ZFAT: variants seen among roughly 807,000 people sequenced by gnomAD.
The protein encoded by ZFAT is zinc finger protein ZFAT.
Under a neutral mutation model 117.7 loss-of-function variants are expected in ZFAT, and 64 were observed. That is an observed-to-expected ratio of 0.54 (90% CI 0.44 to 0.67). The LOEUF (loss-of-function observed/expected upper bound fraction) is 0.67. Ranked by LOEUF, ZFAT falls within the 30% of genes least tolerant of loss-of-function variation. The probability of loss-of-function intolerance (pLI) is 0.00; values close to 1 mark genes in which losing one functional copy is unlikely to be tolerated. For synonymous variants in ZFAT, 679 were observed against 615.0 expected (o/e 1.10, Z -1.54); for missense variants, 1,433 against 1,584.5 (o/e 0.90, Z 1.62).
At chr8:134,661,839 T>G (rs1008808787) in intron 1 of ZFAT, among the ~76,000 whole-genome samples, 2 of 152,088 alleles carry the variant, frequency 1.3e-5, no homozygotes, top group African/African-American at 2.4e-5. Flanking sequence ...GACATCAGGA[T>G]GCAGATGCCT....
chr8:134,577,488 A>G (rs1825392453), intron 10 of ZFAT, among the ~76,000 whole-genome samples: 1 of 152,262 alleles, frequency 6.6e-6, no homozygotes, highest in South Asian at 2.1e-4. Flanking sequence ...ATTCACAAGC[A>G]TTTGATTTAA....
intron 7 of ZFAT, among the ~76,000 whole-genome samples, chr8:134,593,266 T>C (rs1444134877): frequency 2.0e-5 from 3 of 151,988 alleles, no homozygotes; most frequent in Non-Finnish European, 4.4e-5. Context: ...CAGAAAGCAA[T>C]TTATCTCAGA....
At chr8:134,612,848 C>A (rs28579238) in intron 3 of ZFAT, among the ~76,000 whole-genome samples, 1 of 152,294 alleles carries the variant, frequency 6.6e-6, no homozygotes, top group African/African-American at 2.4e-5. Flanking sequence ...CCTATAAAGC[C>A]GGAGAATGAG....
the ZFAT span, among the ~76,000 whole-genome samples, chr8:134,745,993 G>A: frequency 6.6e-4 from 100 of 152,276 alleles, 1 homozygote; most frequent in East Asian, 0.017. Flanking sequence ...CTTTGCCTGT[G>A]CTCTTCCTGC....
intron 11 of ZFAT, among the ~76,000 whole-genome samples, chr8:134,564,012 C>T (rs1899432): frequency 0.74 from 111,720 of 151,846 alleles, 41,484 homozygotes; most frequent in East Asian, 0.91. Context: ...AGCGTGGCAG[C>T]GGGCTACCTG....
Position 134,637,467 on chromosome 8 carries a change from C to G in ZFAT, c.442G>C (p.Glu148Gln), listed in dbSNP as rs202134657. Reference sequence around the variant, plus strand: ...GCCCTTTGGCAGCATTTACCTGCTTCTCCTTCCTCCTCACCCAAATTCAGC... The same window carrying G: ...GCCCTTTGGCAGCATTTACCTGCTTGTCCTTCCTCCTCACCCAAATTCAGC... ...IVLNLGEEEG[E>Q]AGNESDLELE... The change falls in exon 3 of 16, where the codon GAA (glutamate) becomes CAA (glutamine). Residue 148 changes from glutamate to glutamine, a missense_variant. Physicochemically the swap from Glu to Gln is conservative, Grantham distance 29. Around this residue, in one of 5 missense-constraint regions of ZFAT, gnomAD observed 436 missense variants for 482.0 expected, o/e 0.90. Transcript: ENST00000377838. The G allele has an allele frequency of 6.4e-4, 1,027 of 1,606,150 alleles. 1 individual carries two copies. The highest frequency in any genetic ancestry group is 8.1e-4 in the Non-Finnish European group (951 of 1,173,290).
chr8:134,762,723 C>T, the ZFAT span, among the ~76,000 whole-genome samples: 37 of 152,104 alleles, frequency 2.4e-4, no homozygotes, highest in Non-Finnish European at 4.6e-4. Context: ...AGAAATATAT[C>T]CAATTGCTTA....
At chr8:134,520,559 A>C (rs1044277555) in intron 13 of ZFAT, among the ~76,000 whole-genome samples, 1 of 152,130 alleles carries the variant, frequency 6.6e-6, no homozygotes, top group African/African-American at 2.4e-5. Context: ...AATACAATAG[A>C]ATCCTTGCCT....
chr8:134,687,183 C>T (rs993426616), intron 1 of ZFAT, among the ~76,000 whole-genome samples: 7 of 152,132 alleles, frequency 4.6e-5, no homozygotes, highest in African/African-American at 1.7e-4. Flanking sequence ...AAATGCACAC[C>T]ACTAATTTGT....
chr8:134,688,901 C>T lies in ZFAT; in HGVS notation c.19+23944G>A, dbSNP rs982976672. Among the ~76,000 whole-genome samples the T allele has an allele frequency of 1.1e-4, 17 of 152,166 alleles. 1 individual carries two copies. The highest frequency in any genetic ancestry group is 4.1e-4 in the African/African-American group (17 of 41,436). On this transcript the variant is annotated intron_variant, in intron 1 of 15. Coordinates refer to ENST00000377838, the MANE Select transcript of ZFAT (RefSeq NM_020863.4). The stretch of plus-strand genomic sequence containing the variant: ...GAGACGTGTCCAGCCATGGTTTCCC[C>T]ACTCTGCTTCCTGGGGTTTTCAAAA...
intron 5 of ZFAT, among the ~76,000 whole-genome samples, chr8:134,606,551 C>T (rs1827900168): frequency 6.6e-6 from 1 of 151,866 alleles, no homozygotes; most frequent in Non-Finnish European, 1.5e-5. Flanking sequence ...CCCAACTCTA[C>T]TGAAAATCCA....
intron 15 of ZFAT, among the ~76,000 whole-genome samples, chr8:134,493,705 T>G (rs1818221270): frequency 6.6e-6 from 1 of 152,220 alleles, no homozygotes; most frequent in South Asian, 2.1e-4. Flanking sequence ...TGCTTCTGGA[T>G]GCCGGCCCTC....
At chr8:134,773,648 C>T in the ZFAT span, among the ~76,000 whole-genome samples, 7 of 152,196 alleles carry the variant, frequency 4.6e-5, no homozygotes, top group African/African-American at 7.2e-5. Context: ...TCATGGGAGG[C>T]GGTCAAAACA....
the ZFAT span, among the ~76,000 whole-genome samples, chr8:134,732,752 C>T: frequency 5.3e-5 from 8 of 152,242 alleles, no homozygotes; most frequent in East Asian, 3.9e-4. Context: ...CATCACATTC[C>T]GGGTAAAGCA....
At chr8:134,729,749 C>A in the ZFAT span, among the ~76,000 whole-genome samples, 1 of 152,106 alleles carries the variant, frequency 6.6e-6, no homozygotes, top group Admixed American at 6.5e-5. Context: ...AGTTTGTAAT[C>A]CTGATGGGCT....
chr8:134,563,121 C>T (rs1197756272), intron 11 of ZFAT, among the ~76,000 whole-genome samples: 1 of 152,182 alleles, frequency 6.6e-6, no homozygotes, highest in Non-Finnish European at 1.5e-5. Flanking sequence ...TGAAATAAAG[C>T]TCTTAATTTT....
chr8:134,664,460 C>A (rs1401614912), intron 1 of ZFAT, among the ~76,000 whole-genome samples: 5 of 152,220 alleles, frequency 3.3e-5, no homozygotes, highest in African/African-American at 4.8e-5. Flanking sequence ...CTATGCTGCT[C>A]CTACCATTGC....
chr8:134,610,620 T>C lies in ZFAT; in HGVS notation c.484A>G (p.Lys162Glu), dbSNP rs768786297. ...ESDLELEKKC[K>E]EDDREKASKR... ...GAGGCTTTTTCCCGATCATCTTCCT[T>C]ACACTTCTTTTCTAGTTCAAGGTCA... is the stretch of plus-strand genomic sequence containing the variant. Residue 162 changes from lysine to glutamate, a missense_variant, in exon 4 of 16, where the codon AAG becomes GAG. Coordinates refer to ENST00000377838, the MANE Select transcript of ZFAT (RefSeq NM_020863.4). 5.6e-6 allele frequency: 9 copies of C among 1,614,074 alleles called. No individual in the cohort carries two copies. The highest frequency in any genetic ancestry group is 5.3e-5 in the African/African-American group (4 of 74,928).
the ZFAT span, among the ~76,000 whole-genome samples, chr8:134,810,212 A>G: frequency 0.19 from 28,758 of 152,150 alleles, 2,926 homozygotes; most frequent in Non-Finnish European, 0.23. Flanking sequence ...CTACGTTTCA[A>G]TAAGTATATT....
Sources: gnomAD v4.1 joint callset for allele counts (sites outside exome capture counted in the v4.1 genomes callset) on GRCh38, gnomAD v4.1.1 for gene constraint, gnomAD v4.1.1 regional missense constraint, MANE v1.5 for transcripts, NCBI Gene and HGNC (gene_info 2026-07-23, HGNC 2026-07-21) for gene names.